Variants in RNF11 observed in about 807,000 individuals in gnomAD.
RNF11 encodes ring finger protein 11.
RNF11 carries 4 observed loss-of-function variants against 15.8 expected under a neutral mutation model. The observed-to-expected ratio is 0.25, with a 90% CI of 0.12 to 0.58. The LOEUF is 0.58. Ranked by LOEUF, RNF11 falls within the 20% of genes least tolerant of loss-of-function variation. The pLI, the probability that RNF11 is intolerant of heterozygous loss-of-function variation, is 0.91. For synonymous variants in RNF11, 68 were observed against 72.3 expected (o/e 0.94, Z 0.30); for missense variants, 139 against 194.4 (o/e 0.71, Z 1.70).
intron 1 of RNF11, among the ~76,000 whole-genome samples, chr1:51,267,441 C>G (rs1646960319): frequency 6.6e-6 from 1 of 152,104 alleles, no homozygotes; most frequent in Non-Finnish European, 1.5e-5. Context: ...AGCAAAGAAT[C>G]AAAGCAAAAT....
In RNF11 at chr1:51,272,637, A is replaced by G. The variant is rs1646984542; in HGVS notation, c.*1315A>G. The G allele has an allele frequency of 6.6e-6, 1 of 152,276 alleles. No homozygotes were observed. The highest frequency in any genetic ancestry group is 1.5e-5 in the Non-Finnish European group (1 of 67,984). The allele number at this position is 152,276 out of a possible 1,614,324, so 9.4% of individuals were successfully genotyped here. A position where few individuals can be genotyped will look rare whatever the true frequency, so the allele number is the denominator to read the frequency against. ...ATGGTCTAGTAAAGATGTAGTAGTA[A>G]TGTTTTATCCATTTAGCATGTGTTT... is the stretch of plus-strand genomic sequence containing the variant. On this transcript the variant is annotated 3_prime_UTR_variant, in exon 3 of 3. Transcript: ENST00000242719.
At chr1:51,246,053 G>T (rs1353550384) in intron 1 of RNF11, among the ~76,000 whole-genome samples, 3 of 151,956 alleles carry the variant, frequency 2.0e-5, no homozygotes, top group Admixed American at 6.6e-5. Context: ...GTCACCTGAG[G>T]TTAGGAGTTT....
Position 51,236,567 on chromosome 1 carries a change from C to T in RNF11, c.-190C>T. On this transcript the variant is annotated 5_prime_UTR_variant, in exon 1 of 3. Coordinates refer to ENST00000242719, the MANE Select transcript of RNF11 (RefSeq NM_014372.5). Reference sequence around the variant, plus strand: ...ACCCCAGCGGAGCCCGCGGCCCAGCCTTGATCCCCCAACCCCGGGGGCTGG... The same window carrying T: ...ACCCCAGCGGAGCCCGCGGCCCAGCTTTGATCCCCCAACCCCGGGGGCTGG... 1 of 514,608 alleles carries T rather than the reference C, an allele frequency of 1.9e-6. No individual in the cohort carries two copies. Among genetic ancestry groups the T allele is most frequent in the Non-Finnish European group, 3.2e-6 (1 of 315,626 alleles). 31.9% of individuals were successfully genotyped at this position (514,608 alleles called of 1,614,324 possible).
rs370332083 is a variant in RNF11, at chr1:51,270,120, C to A, written c.288C>A (p.Ile96=). ...DPGRDGSEKK[I]RECVICMMDF... is the part of the protein sequence containing the mutation. The stretch of plus-strand genomic sequence containing the variant: ...GAAGAGATGGATCAGAAAAAAAGAT[C>A]CGGGAGTAAGTTTTAATTAATTTGT... Residue 96 remains isoleucine (I), a synonymous_variant, in exon 2 of 3, where the codon ATC becomes ATA. Transcript: ENST00000242719. 3.8e-6 allele frequency: 6 copies of A among 1,587,860 alleles called. No homozygotes were observed. The highest frequency in any genetic ancestry group is 5.1e-6 in the Non-Finnish European group (6 of 1,172,330).
Position 51,269,966 on chromosome 1 carries a change from C to T in RNF11, c.134C>T (p.Pro45Leu). 3.1e-6 allele frequency: 5 copies of T among 1,610,972 alleles called. No individual in the cohort carries two copies. Among genetic ancestry groups the T allele is most frequent in the Non-Finnish European group, 4.2e-6 (5 of 1,178,850 alleles). The change falls in exon 2 of 3, where the codon CCA (proline) becomes CTA (leucine). Residue 45 changes from proline (P) to leucine (L), a missense_variant. Transcript: ENST00000242719. ...ATTTTAATATTTTAGGAACAAGTTC[C>T]AGTTCCAGTCTACCACCCAACACCT... The part of the protein sequence containing the change: ...EPPPPYQEQV[P>L]VPVYHPTPSQ...
rs758126066 is a variant in RNF11, at chr1:51,271,347, A to G, written c.*25A>G. 7 of 1,582,574 alleles carry G rather than the reference A, an allele frequency of 4.4e-6. No individual in the cohort carries two copies. In the African/African-American group the frequency reaches 6.7e-5, roughly 15 times the overall value. ...AGCCAGGGTCTCTTATCTGACTTCA[A>G]GTGAACCACCATTTTGGTGGTTTTG... On this transcript the variant is annotated 3_prime_UTR_variant, in exon 3 of 3. Coordinates refer to ENST00000242719, the MANE Select transcript of RNF11 (RefSeq NM_014372.5).
At chr1:51,247,392 G>T (rs1298937464) in intron 1 of RNF11, among the ~76,000 whole-genome samples, 2 of 151,854 alleles carry the variant, frequency 1.3e-5, no homozygotes, top group African/African-American at 2.4e-5. Context: ...AAGTGTCTGG[G>T]TTTTTTGGTT....
At chr1:51,257,426 T>C (rs1646908674) in intron 1 of RNF11, among the ~76,000 whole-genome samples, 1 of 152,094 alleles carries the variant, frequency 6.6e-6, no homozygotes, top group South Asian at 2.1e-4. Context: ...GTTTTTATTT[T>C]AATTTTCTTT....
In RNF11 at chr1:51,244,309, C is replaced by T. The variant is rs114173813; in HGVS notation, c.123+7430C>T. Among the ~76,000 whole-genome samples the T allele has an allele frequency of 3.7e-3, 556 of 152,158 alleles. 2 individuals are homozygous for T. Among genetic ancestry groups the T allele is most frequent in the African/African-American group, 0.013 (533 of 41,534 alleles). On this transcript the variant is annotated intron_variant, in intron 1 of 2. Coordinates refer to ENST00000242719, the MANE Select transcript of RNF11 (RefSeq NM_014372.5). ...AGAATCCTGTGCTTTAGTGTTTGGC[C>T]TATCACTTCTAATTTATAAAGTACG...
chr1:51,264,299 TATATATATATATATATATACACACAC>T (rs1646945173), intron 1 of RNF11, among the ~76,000 whole-genome samples: 1 of 94,824 alleles, frequency 1.1e-5, no homozygotes, highest in African/African-American at 5.2e-5. Context: ...TATATATATA[TATATATATATATATATATACACACAC>T]ACACACACAC....
At chr1:51,244,250 A>G (rs183044593) in intron 1 of RNF11, among the ~76,000 whole-genome samples, 57 of 152,342 alleles carry the variant, frequency 3.7e-4, no homozygotes, top group African/African-American at 6.5e-4. Context: ...AGAGTGTGCA[A>G]TTGTATGGTT....
Position 51,236,749 on chromosome 1 carries a change from T to C in RNF11, c.-8T>C. 1.2e-6 allele frequency: 2 copies of C among 1,612,618 alleles called. No individual in the cohort carries two copies. The highest frequency in any genetic ancestry group is 1.8e-4 in the Middle Eastern group (1 of 5,640). ...CCTCCCCCAGATCACGCACCCCAGCTCCGGAAGATGGGGAACTGCCTCAAA... is the reference window on the plus strand; with the variant it reads ...CCTCCCCCAGATCACGCACCCCAGCCCCGGAAGATGGGGAACTGCCTCAAA... On this transcript the variant is annotated 5_prime_UTR_variant, in exon 1 of 3. Transcript: ENST00000242719.
intron 1 of RNF11, among the ~76,000 whole-genome samples, chr1:51,244,319 T>C (rs778993534): frequency 1.3e-5 from 2 of 152,384 alleles, no homozygotes; most frequent in East Asian, 3.9e-4. Flanking sequence ...CTATCACTTC[T>C]AATTTATAAA....
At chr1:51,243,656 G>A (rs1380474261) in intron 1 of RNF11, among the ~76,000 whole-genome samples, 1 of 152,146 alleles carries the variant, frequency 6.6e-6, no homozygotes, top group Non-Finnish European at 1.5e-5. Context: ...TCAGGCTGGT[G>A]TGCAACTCCT....
chr1:51,270,021 T>TGAAGAGGAACAAATTAGGATAGCTCAAA lies in RNF11; in HGVS notation c.193_220dup (p.Ile74ArgfsTer5). On this transcript the variant is annotated frameshift_variant, in exon 2 of 3. Coordinates refer to ENST00000242719, the MANE Select transcript of RNF11 (RefSeq NM_014372.5). LOFTEE classifies it high-confidence loss of function. ...AGACTCGGCTAGCAACTCAGCTGAC[T>TGAAGAGGAACAAATTAGGATAGCTCAAA]GAAGAGGAACAAATTAGGATAGCTC... The TGAAGAGGAACAAATTAGGATAGCTCAAA allele has an allele frequency of 6.2e-7, 1 of 1,613,710 alleles. No homozygotes were observed.
intron 1 of RNF11, among the ~76,000 whole-genome samples, chr1:51,269,541 T>C (rs562174358): frequency 1.3e-5 from 2 of 152,374 alleles, no homozygotes; most frequent in African/African-American, 4.8e-5. Flanking sequence ...AATTAGTGAC[T>C]GTAGGCAAGC....
chr1:51,252,431 A>G (rs1215955901), intron 1 of RNF11, among the ~76,000 whole-genome samples: 1 of 152,116 alleles, frequency 6.6e-6, no homozygotes, highest in African/African-American at 2.4e-5. Flanking sequence ...CCTGGGCAAC[A>G]CAGCAAAACT....
intron 1 of RNF11, among the ~76,000 whole-genome samples, chr1:51,248,493 C>T (rs1049670498): frequency 1.3e-5 from 2 of 152,076 alleles, no homozygotes; most frequent in Non-Finnish European, 2.9e-5. Context: ...TCAGCCACGG[C>T]GCCCGGCCTC....
At chr1:51,258,844 A>G (rs1646916679) in intron 1 of RNF11, among the ~76,000 whole-genome samples, 1 of 152,160 alleles carries the variant, frequency 6.6e-6, no homozygotes, top group Non-Finnish European at 1.5e-5. Context: ...TAAGGCACCA[A>G]TTCCTATCAA....
Sources: gnomAD v4.1 joint callset for allele counts (sites outside exome capture counted in the v4.1 genomes callset) on GRCh38, gnomAD v4.1.1 for gene constraint, MANE v1.5 for transcripts, NCBI Gene and HGNC (gene_info 2026-07-23, HGNC 2026-07-21) for gene names.